Variants in TUBB6 observed in about 807,000 individuals in gnomAD.
The protein encoded by TUBB6 is tubulin beta-6 chain.
In TUBB6, 18 loss-of-function variants were observed where a neutral mutation model predicts 32.3. The observed-to-expected ratio is 0.56, with a 90% confidence interval of 0.39 to 0.83. TUBB6 has a LOEUF of 0.83. Ranked by LOEUF, TUBB6 falls within the 40% of genes least tolerant of loss-of-function variation. The pLI, the probability that TUBB6 is intolerant of heterozygous loss-of-function variation, is 0.00. For synonymous variants in TUBB6, 280 were observed against 265.8 expected (o/e 1.05, Z -0.52); for missense variants, 480 against 632.0 (o/e 0.76, Z 2.58).
At chr18:12,327,216 G>T (rs1423354351), downstream of TUBB6, among the ~76,000 whole-genome samples, 4 of 152,194 alleles carry the variant, frequency 2.6e-5, no homozygotes, top group African/African-American at 9.7e-5. Context: ...CAGCCCTCCT[G>T]CTCTGCCTCC....
At chr18:12,315,907 T>A (rs1906648025) in intron 3 of TUBB6, among the ~76,000 whole-genome samples, 1 of 152,368 alleles carries the variant, frequency 6.6e-6, no homozygotes, top group Non-Finnish European at 1.5e-5. Flanking sequence ...TAGAGATTCA[T>A]ATTATTTTTC....
chr18:12,316,169 G>GGGGTCCAGGCCCGGGT, intron 3 of TUBB6, among the ~76,000 whole-genome samples: 1 of 152,334 alleles, frequency 6.6e-6, no homozygotes, highest in African/African-American at 2.4e-5. Flanking sequence ...AGAGAGAGTC[G>GGGGTCCAGGCCCGGGT]AAGCCATGAA....
At chr18:12,312,369 T>C (rs965879473) in intron 3 of TUBB6, among the ~76,000 whole-genome samples, 1 of 151,496 alleles carries the variant, frequency 6.6e-6, no homozygotes, top group Non-Finnish European at 1.5e-5. Flanking sequence ...GACAGTGTAA[T>C]GGTTAGGAGT....
intron 3 of TUBB6, among the ~76,000 whole-genome samples, chr18:12,319,947 A>T (rs981080729): frequency 6.6e-6 from 1 of 151,706 alleles, no homozygotes; most frequent in South Asian, 2.1e-4. Flanking sequence ...CCACCATGCC[A>T]TGCTAATTTT....
Position 12,326,342 on chromosome 18 carries a change from C to T in TUBB6, c.*212C>T, listed in dbSNP as rs1318214387. On this transcript the variant is annotated 3_prime_UTR_variant, in exon 4 of 4. Transcript: ENST00000317702. ...GGTTCTACCCAGTCAGAAGATCACA[C>T]CATGGAGACTTTCTACTAGAGGACT... The T allele has an allele frequency of 5.9e-6, 4 of 675,672 alleles. No homozygotes were observed. The Admixed American group carries it at 1.3e-4, about 21-fold the overall frequency. 41.9% of individuals were successfully genotyped at this position (675,672 alleles called of 1,614,324 possible). A position where few individuals can be genotyped will look rare whatever the true frequency, so the allele number is the denominator to read the frequency against.
At position 12,325,413 on chromosome 18, in the gene TUBB6, T is replaced by G. The variant is rs774504482; in HGVS notation, c.624T>G (p.Tyr208Ter). Residue 208 changes from tyrosine (Y) to a stop codon, truncating the protein, a stop_gained, in exon 4 of 4, where the codon TAT (tyrosine) becomes TAG (stop). Transcript: ENST00000317702. LOFTEE classifies it high-confidence loss of function. The part of the protein sequence containing the change: ...ETYCIDNEAL[Y>*]DICFRTLKLT... ...ACTGCATCGACAACGAGGCGCTCTA[T>G]GACATCTGCTTCCGCACTCTGAAGC... is the stretch of plus-strand genomic sequence containing the variant. 6.2e-7 allele frequency: 1 copy of G among 1,614,098 alleles called. No individual in the cohort carries two copies. Among genetic ancestry groups the G allele is most frequent in the Non-Finnish European group, 8.5e-7 (1 of 1,180,026 alleles).
At chr18:12,322,179 T>C (rs1907023889) in intron 3 of TUBB6, among the ~76,000 whole-genome samples, 1 of 151,594 alleles carries the variant, frequency 6.6e-6, no homozygotes, top group East Asian at 1.9e-4. Flanking sequence ...GCAGCACCTG[T>C]AATCCCAGCT....
At chr18:12,329,232 A>G (rs371759084), downstream of TUBB6, 4 of 702,566 alleles carry the variant, frequency 5.7e-6, no homozygotes, top group Middle Eastern at 2.4e-4. Context: ...CCAAGAGTCC[A>G]GTGCAACGAT....
chr18:12,329,794 A>C, downstream of TUBB6: 1 of 1,599,488 alleles, frequency 6.3e-7, no homozygotes, highest in Non-Finnish European at 8.6e-7. Flanking sequence ...CTGAAATATG[A>C]ACAATTTTCA....
chr18:12,311,169 GTTCCCAGCCC>G (rs1047465959), intron 3 of TUBB6, 116 bp downstream of exon 3: 11 of 902,388 alleles, frequency 1.2e-5, no homozygotes, highest in African/African-American at 1.7e-5. Context: ...GAAATCAGTG[GTTCCCAGCCC>G]CACCCCTCCC....
Position 12,326,034 on chromosome 18 carries a change from G to C in TUBB6, c.1245G>C (p.Met415Ile), listed in dbSNP as rs1907303560. 6.2e-7 allele frequency: 1 copy of C among 1,614,142 alleles called. No homozygotes were observed. Among genetic ancestry groups the C allele is most frequent in the East Asian group, 2.2e-5 (1 of 44,884 alleles). The change falls in exon 4 of 4, where the codon ATG becomes ATC. Residue 415 changes from methionine to isoleucine, a missense_variant. Met to Ile is a conservative substitution (Grantham distance 10, BLOSUM62 1). Coordinates refer to ENST00000317702, the MANE Select transcript of TUBB6 (RefSeq NM_032525.3). ...EMEFTEAESN[M>I]NDLVSEYQQY... is the part of the protein sequence containing the mutation. ...AGTTCACCGAGGCGGAGAGCAACAT[G>C]AACGACCTGGTATCCGAGTACCAGC...
At position 12,308,388 on chromosome 18, in the gene TUBB6, C is replaced by T. The variant is rs765195975; in HGVS notation, c.57+39C>T. On this transcript the variant is annotated intron_variant, in intron 1 of 3. Transcript: ENST00000317702. ...GGTGCAGGGCCTCTCCGCGGGTCGGCTGCTGGCGGGCCCCGGGTCTCCCGG... is the reference window on the plus strand; with the variant it reads ...GGTGCAGGGCCTCTCCGCGGGTCGGTTGCTGGCGGGCCCCGGGTCTCCCGG... 2.3e-5 allele frequency: 31 copies of T among 1,335,252 alleles called. No homozygotes were observed. In the African/African-American group the frequency reaches 4.6e-4, roughly 20 times the overall value. The allele number at this position is 1,335,252 out of a possible 1,614,324, so 82.7% of individuals were successfully genotyped here. A position where few individuals can be genotyped will look rare whatever the true frequency, so the allele number is the denominator to read the frequency against.
At chr18:12,326,655 ACTC>A, downstream of TUBB6, 1 of 155,438 alleles carries the variant, frequency 6.4e-6, no homozygotes, top group Non-Finnish European at 1.4e-5. Context: ...CCTGGGGTGA[ACTC>A]CTCCCCACTT....
At position 12,308,793 on chromosome 18, in the gene TUBB6, C is replaced by T. The variant is rs1207885427; in HGVS notation, c.164C>T (p.Ser55Leu). 3 of 1,595,840 alleles carry T rather than the reference C, an allele frequency of 1.9e-6. No individual in the cohort carries two copies. In the East Asian group the frequency reaches 6.7e-5, roughly 36 times the overall value. ...ATCAACGTCTACTACAATGAGTCAT[C>T]GTGTGAGTAGCAAGGCCGCCGCGCC... ...ERINVYYNES[S>L]SQKYVPRAAL... Residue 55 changes from serine (S) to leucine (L), a missense_variant and splice_region_variant, in exon 2 of 4, where the codon TCG (serine) becomes TTG (leucine). Transcript: ENST00000317702.
intron 3 of TUBB6, 140 bp from the exon 4 acceptor site, chr18:12,324,927 G>T: frequency 2.0e-6 from 3 of 1,491,620 alleles, no homozygotes; most frequent in African/African-American, 1.4e-5. Flanking sequence ...TGCACCGTTG[G>T]TGGGTGCCTG....
At chr18:12,312,451 T>C (rs1041664200) in intron 3 of TUBB6, among the ~76,000 whole-genome samples, 1 of 152,200 alleles carries the variant, frequency 6.6e-6, no homozygotes, top group Admixed American at 6.5e-5. Context: ...TAGACTTATT[T>C]AACTTACTTG....
At chr18:12,318,060 A>C (rs58136410) in intron 3 of TUBB6, among the ~76,000 whole-genome samples, 1 of 151,986 alleles carries the variant, frequency 6.6e-6, no homozygotes, top group African/African-American at 2.4e-5. Context: ...TTGGGGTTCT[A>C]TGTTTGCCAA....
rs56246828 is a variant in TUBB6, at chr18:12,325,559, T to C, written c.770T>C (p.Met257Thr). ...NADLRKLAVN[M>T]VPFPRLHFFM... ...GACCTGCGCAAGCTGGCGGTGAACA[T>C]GGTGCCCTTCCCGCGCCTGCACTTC... The change falls in exon 4 of 4, where the codon ATG becomes ACG. Residue 257 changes from methionine (M) to threonine (T), a missense_variant. Coordinates refer to ENST00000317702, the MANE Select transcript of TUBB6 (RefSeq NM_032525.3). 3 of 1,614,016 alleles carry C rather than the reference T, an allele frequency of 1.9e-6. No homozygotes were observed. The highest frequency in any genetic ancestry group is 2.5e-6 in the Non-Finnish European group (3 of 1,180,042).
chr18:12,308,429 G>A, intron 1 of TUBB6, 80 bp downstream of exon 1: 1 of 1,149,730 alleles, frequency 8.7e-7, no homozygotes, highest in East Asian at 3.5e-5. Flanking sequence ...CCCCCGCCGG[G>A]GCGCGCACCC....
Sources: allele counts gnomAD v4.1 joint callset (sites outside exome capture counted in the v4.1 genomes callset), GRCh38; gene constraint gnomAD v4.1.1; transcripts MANE v1.5; gene names NCBI Gene and HGNC (gene_info 2026-07-23, HGNC 2026-07-21).